AP3B1: variants seen among roughly 807,000 people sequenced by gnomAD.
The protein encoded by AP3B1 is adaptor related protein complex 3 subunit beta 1.
AP3B1 carries 61 observed loss-of-function variants against 132.5 expected under a neutral mutation model. The observed-to-expected ratio is 0.46, with a 90% CI of 0.37 to 0.57. The LOEUF is 0.57. Ranked by LOEUF, AP3B1 falls within the 20% of genes least tolerant of loss-of-function variation. AP3B1 has a pLI of 0.00. For synonymous variants in AP3B1, 388 were observed against 438.3 expected (o/e 0.89, Z 1.43); for missense variants, 1,120 against 1,289.4 (o/e 0.87, Z 2.01).
chr5:78,103,033 A>G (rs1303052019), intron 20 of AP3B1, among the ~76,000 whole-genome samples: 1 of 152,202 alleles, frequency 6.6e-6, no homozygotes, highest in Non-Finnish European at 1.5e-5. Context: ...GAAATATAAC[A>G]TTAGCAATAG....
intron 22 of AP3B1, among the ~76,000 whole-genome samples, chr5:78,082,431 T>C (rs1028620377): frequency 6.6e-6 from 1 of 152,150 alleles, no homozygotes; most frequent in African/African-American, 2.4e-5. Context: ...TTGGACTAGA[T>C]TTCAGGGTTT....
chr5:78,229,274 T>A (rs1159696225), intron 3 of AP3B1, among the ~76,000 whole-genome samples: 1 of 152,148 alleles, frequency 6.6e-6, no homozygotes, highest in Admixed American at 6.6e-5. Context: ...TCACTAAGTT[T>A]ACAACAAAAT....
intron 22 of AP3B1, chr5:78,087,779 T>A: frequency 1.3e-6 from 1 of 757,982 alleles, no homozygotes; most frequent in Non-Finnish European, 1.6e-6. Context: ...TCAACTGCTT[T>A]CTTCTTATTA....
intron 17 of AP3B1, among the ~76,000 whole-genome samples, chr5:78,118,535 C>G (rs767040895): frequency 6.6e-6 from 1 of 152,210 alleles, no homozygotes; most frequent in South Asian, 2.1e-4. Flanking sequence ...TATCCCACAC[C>G]TGGCTCAGAG....
At chr5:78,143,980 GGGT>G (rs1753270457) in intron 14 of AP3B1, among the ~76,000 whole-genome samples, 1 of 152,052 alleles carries the variant, frequency 6.6e-6, no homozygotes, top group South Asian at 2.1e-4. Context: ...ACTCCAGCCT[GGGT>G]GACAGAGCGA....
intron 2 of AP3B1, 117 bp from the exon 3 acceptor site, chr5:78,241,053 C>T (rs902638637): frequency 7.0e-6 from 5 of 712,626 alleles, no homozygotes; most frequent in Admixed American, 2.3e-5. Context: ...AATCATCTTA[C>T]CTCAACTATT....
intron 2 of AP3B1, among the ~76,000 whole-genome samples, chr5:78,249,495 C>T (rs537344612): frequency 3.2e-4 from 49 of 151,900 alleles, no homozygotes; most frequent in African/African-American, 8.9e-4. Context: ...ATGATGCATA[C>T]GTTAGACCTT....
Position 78,034,366 on chromosome 5 carries a change from C to A in AP3B1, c.2889G>T (p.Gln963His), listed in dbSNP as rs1347093395. Reference sequence around the variant, plus strand: ...AGAAGAACAATTGAACTTACCACAACTGGAAACTGGCAGTCTGAGTAGAAT... The same window carrying A: ...AGAAGAACAATTGAACTTACCACAAATGGAAACTGGCAGTCTGAGTAGAAT... ...FCDSTQTASF[Q>H]LCTKDDCFNV... is the part of the protein sequence containing the mutation. The change falls in exon 24 of 27, where the codon CAG becomes CAT. Residue 963 changes from glutamine (Q) to histidine (H), a missense_variant. Around this residue, in one of 3 missense-constraint regions of AP3B1, gnomAD observed 906 missense variants for 997.1 expected, o/e 0.91. Coordinates refer to ENST00000255194, the MANE Select transcript of AP3B1 (RefSeq NM_003664.5). 3 of 1,610,000 alleles carry A rather than the reference C, an allele frequency of 1.9e-6. No individual in the cohort carries two copies. The South Asian group carries it at 3.3e-5, about 18-fold the overall frequency.
chr5:78,227,611 G>A (rs1237807622), intron 4 of AP3B1, 79 bp from the exon 5 acceptor site: 3 of 1,374,662 alleles, frequency 2.2e-6, no homozygotes, highest in Non-Finnish European at 3.1e-6. Context: ...CAGTTAATAG[G>A]TGCTTAAAGG....
chr5:78,169,863 C>T (rs1041304577), intron 11 of AP3B1, among the ~76,000 whole-genome samples: 3 of 152,012 alleles, frequency 2.0e-5, no homozygotes, highest in South Asian at 2.1e-4. Context: ...CCCAACAACT[C>T]GTCATTTACT....
chr5:78,007,289 A>G (rs539780311), intron 26 of AP3B1, among the ~76,000 whole-genome samples: 1 of 152,348 alleles, frequency 6.6e-6, no homozygotes, highest in East Asian at 1.9e-4. Flanking sequence ...GATTTGCTAT[A>G]CTTAATGCAA....
intron 7 of AP3B1, among the ~76,000 whole-genome samples, chr5:78,182,112 G>A (rs1044958930): frequency 6.6e-5 from 10 of 152,130 alleles, no homozygotes; most frequent in East Asian, 1.9e-4. Context: ...AGTGTGACAC[G>A]AAAAAACTAG....
chr5:78,132,429 A>G (rs55654862), intron 15 of AP3B1, among the ~76,000 whole-genome samples: 25,570 of 152,162 alleles, frequency 0.17, 2,692 homozygotes, highest in Admixed American at 0.26. Flanking sequence ...TTGAATGAAA[A>G]AAGTCTATTT....
At chr5:78,223,018 T>A (rs973617892) in intron 6 of AP3B1, among the ~76,000 whole-genome samples, 11 of 139,366 alleles carry the variant, frequency 7.9e-5, no homozygotes, top group African/African-American at 3.0e-4. Flanking sequence ...TTTGTTTGTT[T>A]GTTTGTTTCT....
chr5:78,088,325 C>A (rs1413452755), intron 22 of AP3B1, among the ~76,000 whole-genome samples: 1 of 152,252 alleles, frequency 6.6e-6, no homozygotes, highest in African/African-American at 2.4e-5. Context: ...CATTCTTACT[C>A]ATTTCTGGGT....
At chr5:78,276,266 C>T (rs981518323) in intron 1 of AP3B1, among the ~76,000 whole-genome samples, 1 of 151,940 alleles carries the variant, frequency 6.6e-6, no homozygotes, top group Admixed American at 6.6e-5. Flanking sequence ...TAGGGTCTCC[C>T]TATGTTGTCC....
At chr5:78,149,040 C>T (rs1308573344) in intron 14 of AP3B1, among the ~76,000 whole-genome samples, 1 of 152,132 alleles carries the variant, frequency 6.6e-6, no homozygotes, top group Non-Finnish European at 1.5e-5. Flanking sequence ...TAATGTCAAA[C>T]ATCTGTTCTA....
At chr5:78,157,537 C>T (rs72776447) in intron 13 of AP3B1, among the ~76,000 whole-genome samples, 43,603 of 151,906 alleles carry the variant, frequency 0.29, 6,637 homozygotes, top group Admixed American at 0.39. Flanking sequence ...GGTAAAGAAA[C>T]GTAACATAAC....
At chr5:78,239,760 C>T (rs886117234) in intron 3 of AP3B1, among the ~76,000 whole-genome samples, 7 of 126,378 alleles carry the variant, frequency 5.5e-5, no homozygotes, top group South Asian at 4.7e-4. Flanking sequence ...GCCTGAGTGA[C>T]GAAGTGAGAC....
Sources: gnomAD v4.1 joint callset for allele counts (sites outside exome capture counted in the v4.1 genomes callset) on GRCh38, gnomAD v4.1.1 for gene constraint, gnomAD v4.1.1 regional missense constraint, MANE v1.5 for transcripts, NCBI Gene and HGNC (gene_info 2026-07-23, HGNC 2026-07-21) for gene names.